Variants in RIGI observed in about 807,000 individuals in gnomAD.
RIGI encodes the protein RNA sensor RIG-I.
chr9:32,526,184 G>A, the RIGI span: 1 of 1,602,494 alleles, frequency 6.2e-7, no homozygotes, highest in South Asian at 1.1e-5. Context: ...TCTGCTTGCA[G>A]CTAGCTACGT....
At chr9:32,491,564 C>T in the RIGI span, 1 of 622,528 alleles carries the variant, frequency 1.6e-6, no homozygotes, top group Non-Finnish European at 2.7e-6. Flanking sequence ...CCTTTTAAAA[C>T]AGTTGAAAGA....
the RIGI span, among the ~76,000 whole-genome samples, chr9:32,469,200 C>T: frequency 6.6e-6 from 1 of 152,166 alleles, no homozygotes; most frequent in African/African-American, 2.4e-5. Context: ...TGAGCAGAGC[C>T]CCCACCCCTA....
chr9:32,474,244 T>A, the RIGI span, among the ~76,000 whole-genome samples: 2 of 144,290 alleles, frequency 1.4e-5, no homozygotes, highest in Admixed American at 6.9e-5. Flanking sequence ...GTACCATTTA[T>A]AATAGCATCA....
At chr9:32,456,541 C>T in the RIGI span, 1 of 154,108 alleles carries the variant, frequency 6.5e-6, no homozygotes, top group African/African-American at 2.4e-5. Flanking sequence ...ATATTGAACC[C>T]TTGGAAGGGA....
chr9:32,460,564 A>C, the RIGI span, among the ~76,000 whole-genome samples: 5 of 152,228 alleles, frequency 3.3e-5, no homozygotes, highest in African/African-American at 1.2e-4. Context: ...TTCGATGGGC[A>C]ATTATAAATA....
At chr9:32,499,751 C>T in the RIGI span, among the ~76,000 whole-genome samples, 1 of 151,790 alleles carries the variant, frequency 6.6e-6, no homozygotes, top group Non-Finnish European at 1.5e-5. Flanking sequence ...CCACCACACC[C>T]GGCCCAGGGT....
chr9:32,466,177 CT>C, the RIGI span: 1 of 1,104,552 alleles, frequency 9.1e-7, no homozygotes, highest in Non-Finnish European at 1.3e-6. Context: ...TAAGTATAAA[CT>C]TTTTGTTGTA....
At chr9:32,470,958 A>G in the RIGI span, among the ~76,000 whole-genome samples, 1 of 152,252 alleles carries the variant, frequency 6.6e-6, no homozygotes, top group South Asian at 2.1e-4. Context: ...GGTTAACAGA[A>G]TTTATAGAAG....
the RIGI span, chr9:32,457,378 C>T: frequency 3.1e-6 from 5 of 1,613,754 alleles, no homozygotes; most frequent in South Asian, 4.4e-5. Flanking sequence ...ACTCACAAAG[C>T]ATTCCTTAAA....
the RIGI span, among the ~76,000 whole-genome samples, chr9:32,506,487 G>T: frequency 6.6e-6 from 1 of 151,982 alleles, no homozygotes; most frequent in Non-Finnish European, 1.5e-5. Context: ...CTTTTGTTTT[G>T]GTTATTTCTT....
At chr9:32,496,546 C>A in the RIGI span, among the ~76,000 whole-genome samples, 1 of 152,318 alleles carries the variant, frequency 6.6e-6, no homozygotes, top group East Asian at 1.9e-4. Flanking sequence ...GGTTCTCAGG[C>A]CTTCAGACTC....
chr9:32,498,864 T>A, the RIGI span, among the ~76,000 whole-genome samples: 58 of 150,762 alleles, frequency 3.8e-4, no homozygotes, highest in Non-Finnish European at 4.9e-4. Context: ...CCACCTGTAA[T>A]CCCAGCTACT....
chr9:32,470,564 G>T, the RIGI span, among the ~76,000 whole-genome samples: 1 of 152,058 alleles, frequency 6.6e-6, no homozygotes, highest in Non-Finnish European at 1.5e-5. Context: ...TTCATAAGCA[G>T]GCAGTGAGCC....
chr9:32,481,520 T>C, the RIGI span: 1 of 1,313,918 alleles, frequency 7.6e-7, no homozygotes, highest in African/African-American at 1.5e-5. Flanking sequence ...AAAAAAAAAG[T>C]TTTTCACTGT....
chr9:32,456,845 C>T, the RIGI span: 4 of 377,274 alleles, frequency 1.1e-5, no homozygotes, highest in South Asian at 1.4e-4. Flanking sequence ...AGAGTGATTA[C>T]TGTGTGTTTG....
the RIGI span, among the ~76,000 whole-genome samples, chr9:32,484,391 CT>C: frequency 1.9e-4 from 29 of 152,222 alleles, no homozygotes; most frequent in South Asian, 5.6e-3. Flanking sequence ...CATGAGGTGT[CT>C]TACAGACGTC....
chr9:32,522,156 CTG>C, the RIGI span, among the ~76,000 whole-genome samples: 1 of 152,126 alleles, frequency 6.6e-6, no homozygotes, highest in African/African-American at 2.4e-5. Context: ...ATTGCATGGA[CTG>C]AACTAATGTG....
At chr9:32,502,127 A>G in the RIGI span, among the ~76,000 whole-genome samples, 477 of 149,382 alleles carry the variant, frequency 3.2e-3, no homozygotes, top group African/African-American at 6.8e-3. Context: ...TACATAGTCT[A>G]TGTCTGGCCT....
At chr9:32,505,532 ACTT>A in the RIGI span, among the ~76,000 whole-genome samples, 3 of 152,104 alleles carry the variant, frequency 2.0e-5, no homozygotes, top group Non-Finnish European at 4.4e-5. Flanking sequence ...CTCTTCAGGG[ACTT>A]CATAGTTTTC....
Sources: allele counts gnomAD v4.1 joint callset (sites outside exome capture counted in the v4.1 genomes callset), GRCh38; gene constraint gnomAD v4.1.1; transcripts MANE v1.5; gene names NCBI Gene and HGNC (gene_info 2026-07-23, HGNC 2026-07-21).